ACOXL: variants seen among roughly 807,000 people sequenced by gnomAD.
ACOXL encodes acyl-CoA oxidase like, also known as acyl-coenzyme A oxidase-like protein.
ACOXL carries 70 observed loss-of-function variants against 71.9 expected under a neutral mutation model. The ratio of observed to expected loss-of-function variants is 0.97; its 90% CI spans 0.80 to 1.19. The LOEUF is 1.19. Among genes scored for constraint, ACOXL ranks in the 50% most tolerant of loss-of-function variants. The pLI is 0.00. For missense variants in ACOXL, 703 were observed against 736.3 expected (o/e 0.95, Z 0.52); for synonymous variants, 253 against 281.6 (o/e 0.90, Z 1.02).
At chr2:111,021,083 A>G (rs1030482451) in intron 14 of ACOXL, among the ~76,000 whole-genome samples, 2 of 152,148 alleles carry the variant, frequency 1.3e-5, no homozygotes, top group Non-Finnish European at 2.9e-5. Flanking sequence ...CACCTGCTCC[A>G]CCTTGCAGAA....
At chr2:111,012,244 ACT>A (rs372969581) in intron 14 of ACOXL, among the ~76,000 whole-genome samples, 2 of 152,036 alleles carry the variant, frequency 1.3e-5, no homozygotes, top group African/African-American at 4.8e-5. Context: ...TCACTTCATG[ACT>A]CTGTTAGAAT....
At chr2:110,756,185 G>A (rs1007754614) in intron 1 of ACOXL, among the ~76,000 whole-genome samples, 2 of 152,080 alleles carry the variant, frequency 1.3e-5, no homozygotes, top group Non-Finnish European at 2.9e-5. Context: ...GGAGTGCAAT[G>A]GCACGATCTC....
chr2:110,877,600 C>T (rs989505114), intron 10 of ACOXL, among the ~76,000 whole-genome samples: 2 of 152,196 alleles, frequency 1.3e-5, no homozygotes, highest in Non-Finnish European at 2.9e-5. Context: ...CACAGGATTT[C>T]CTTTTCCTAC....
At chr2:111,043,012 G>A (rs191266215) in intron 15 of ACOXL, among the ~76,000 whole-genome samples, 12 of 152,308 alleles carry the variant, frequency 7.9e-5, no homozygotes, top group Non-Finnish European at 1.5e-4. Context: ...CCCAGTGTTC[G>A]GAGCAGAAAA....
intron 9 of ACOXL, among the ~76,000 whole-genome samples, chr2:110,840,687 C>T (rs1371451016): frequency 6.6e-6 from 1 of 152,224 alleles, no homozygotes; most frequent in Non-Finnish European, 1.5e-5. Flanking sequence ...ATCATCCCTG[C>T]AGAGTAAAGA....
intron 15 of ACOXL, among the ~76,000 whole-genome samples, chr2:111,041,177 G>T (rs2065763450): frequency 6.6e-6 from 1 of 152,118 alleles, no homozygotes; most frequent in South Asian, 2.1e-4. Flanking sequence ...TGCATGACCT[G>T]GGGCCACACA....
chr2:111,113,651 C>T (rs374384554), intron 17 of ACOXL, among the ~76,000 whole-genome samples: 6 of 152,068 alleles, frequency 3.9e-5, no homozygotes, highest in African/African-American at 9.7e-5. Context: ...TAGGGTTGCA[C>T]GAGACAAGCA....
chr2:110,986,467 C>T (rs1227353035), intron 12 of ACOXL, among the ~76,000 whole-genome samples: 2 of 152,196 alleles, frequency 1.3e-5, no homozygotes, highest in Admixed American at 6.5e-5. Context: ...TGGGCTCACT[C>T]GTGCTGTGGC....
At chr2:111,091,224 G>C (rs1337822989) in intron 16 of ACOXL, among the ~76,000 whole-genome samples, 1 of 152,166 alleles carries the variant, frequency 6.6e-6, no homozygotes, top group African/African-American at 2.4e-5. Flanking sequence ...CCAGTTACCA[G>C]CTCCAGGGTA....
At chr2:111,081,081 G>C (rs1179680660) in intron 16 of ACOXL, among the ~76,000 whole-genome samples, 1 of 152,104 alleles carries the variant, frequency 6.6e-6, no homozygotes. Context: ...ATAGGCAAAA[G>C]GTGGAAGCAT....
At chr2:111,079,547 A>G (rs186227570) in intron 16 of ACOXL, among the ~76,000 whole-genome samples, 7 of 152,290 alleles carry the variant, frequency 4.6e-5, no homozygotes, top group Admixed American at 2.6e-4. Flanking sequence ...CCAGCCAGAA[A>G]GCTGAGGTTT....
intron 10 of ACOXL, among the ~76,000 whole-genome samples, chr2:110,873,539 G>A (rs1288778138): frequency 6.6e-6 from 1 of 152,190 alleles, no homozygotes; most frequent in African/African-American, 2.4e-5. Flanking sequence ...AATTATTCCT[G>A]TCTCTCTTTT....
intron 1 of ACOXL, among the ~76,000 whole-genome samples, chr2:110,752,017 C>CT (rs1398091777): frequency 2.7e-5 from 4 of 150,318 alleles, no homozygotes; most frequent in Admixed American, 1.3e-4. Context: ...TTCTTTCTTT[C>CT]TTCTTCTTTT....
chr2:110,940,523 C>T (rs1294941251), intron 12 of ACOXL, among the ~76,000 whole-genome samples: 1 of 152,170 alleles, frequency 6.6e-6, no homozygotes, highest in Non-Finnish European at 1.5e-5. Flanking sequence ...TGAGCATTGA[C>T]ACAGAAAGTG....
intron 9 of ACOXL, among the ~76,000 whole-genome samples, chr2:110,838,756 G>A (rs1429194879): frequency 6.6e-6 from 1 of 152,198 alleles, no homozygotes; most frequent in Non-Finnish European, 1.5e-5. Context: ...TATTCTGTGT[G>A]ACATTTCAGC....
At chr2:110,828,645 C>T (rs1417578822) in intron 9 of ACOXL, among the ~76,000 whole-genome samples, 2 of 152,182 alleles carry the variant, frequency 1.3e-5, no homozygotes, top group Non-Finnish European at 2.9e-5. Context: ...CTCAACAAGC[C>T]TGTGAGTAAG....
rs1204291562 is a variant in ACOXL at position 110,908,454 on chromosome 2, G to A, written c.789-335G>A. On this transcript the variant is annotated intron_variant, in intron 10 of 17. Coordinates refer to ENST00000439055, the MANE Select transcript of ACOXL (RefSeq NM_001142807.4). The stretch of plus-strand genomic sequence containing the variant: ...TCCTATTAATTATGTAACAAATTTA[G>A]CAAAGCTGAATAATTAATGATCATG... Among the ~76,000 whole-genome samples the A allele has an allele frequency of 4.6e-5, 7 of 152,142 alleles. No homozygotes were observed. In the South Asian group the frequency reaches 1.0e-3, roughly 23 times the overall value.
At chr2:111,026,291 C>A (rs989247754) in intron 14 of ACOXL, among the ~76,000 whole-genome samples, 2 of 152,028 alleles carry the variant, frequency 1.3e-5, no homozygotes, top group African/African-American at 4.8e-5. Context: ...ATGGTTCTAC[C>A]ATACTCACAC....
intron 15 of ACOXL, among the ~76,000 whole-genome samples, chr2:111,042,148 C>G (rs1574576522): frequency 6.6e-6 from 1 of 152,336 alleles, no homozygotes; most frequent in East Asian, 1.9e-4. Flanking sequence ...GTCAGTCAGC[C>G]CCCATTACGT....
Sources: gnomAD v4.1 joint callset for allele counts (sites outside exome capture counted in the v4.1 genomes callset) on GRCh38, gnomAD v4.1.1 for gene constraint, MANE v1.5 for transcripts, NCBI Gene and HGNC (gene_info 2026-07-23, HGNC 2026-07-21) for gene names.